PPIL2: variants seen among roughly 807,000 people sequenced by gnomAD.
PPIL2 encodes RING-type E3 ubiquitin-protein ligase PPIL2.
Under a neutral mutation model 75.2 loss-of-function variants are expected in PPIL2, and 50 were observed. The ratio of observed to expected loss-of-function variants is 0.66; its 90% CI spans 0.53 to 0.84. PPIL2 has a LOEUF of 0.84. PPIL2 is among the 40% of genes least tolerant of loss of function. The pLI is 0.00. For missense variants in PPIL2, 590 were observed against 685.0 expected (o/e 0.86, Z 1.55); for synonymous variants, 245 against 258.8 (o/e 0.95, Z 0.51).
chr22:21,672,889 C>T lies in PPIL2; in HGVS notation c.243+508C>T, dbSNP rs368704112. ...TCCGGTGGGCTCCCTGTGCTGGAGC[C>T]GCTGGGAGGGAGCTCCCTGGACAAT... On this transcript the variant is annotated intron_variant, in intron 5 of 19. Coordinates refer to ENST00000398831, the MANE Select transcript of PPIL2 (RefSeq NM_014337.4). Among the ~76,000 whole-genome samples the T allele has an allele frequency of 3.3e-5, 5 of 152,312 alleles. No homozygotes were observed. The East Asian group carries it at 5.8e-4, about 18-fold the overall frequency.
Position 21,688,710 on chromosome 22 carries a change from C to T in PPIL2, c.1022-22C>T, listed in dbSNP as rs73877665. On this transcript the variant is annotated intron_variant, in intron 14 of 19. Coordinates refer to ENST00000398831, the MANE Select transcript of PPIL2 (RefSeq NM_014337.4). ...CGGCTGGGGCCCAGGCTTTCCTGCT[C>T]CCATGGGCCTTTCTCTTCCAGGTGG... 1.5e-3 allele frequency: 2,405 copies of T among 1,608,286 alleles called. 34 individuals carry two copies. In the African/African-American group the frequency reaches 0.029, roughly 19 times the overall value.
intron 6 of PPIL2, among the ~76,000 whole-genome samples, chr22:21,677,865 C>T (rs1291352658): frequency 6.6e-6 from 1 of 152,136 alleles, no homozygotes; most frequent in Non-Finnish European, 1.5e-5. Flanking sequence ...GTGTGTAGAG[C>T]ACAGCAGGGG....
chr22:21,678,702 C>T (rs2599423), intron 6 of PPIL2, among the ~76,000 whole-genome samples: 96,832 of 151,944 alleles, frequency 0.64, 31,404 homozygotes, highest in African/African-American at 0.74. Flanking sequence ...ATTTAAAAAA[C>T]AGTTTTCACA....
In PPIL2 at chr22:21,684,454, C is replaced by CAAAAAAAAAA. The variant is rs1028354500; in HGVS notation, c.554-287_554-278dup. 5.8e-3 allele frequency among the ~76,000 whole-genome samples: 269 copies of CAAAAAAAAAA among 46,004 alleles called. 1 individual carries two copies. The highest frequency in any genetic ancestry group is 6.8e-3 in the East Asian group (10 of 1,476). The allele number at this position is 46,004 out of a possible 152,430, so 30.2% of individuals were successfully genotyped here. Reference sequence around the variant, plus strand: ...ACGATAGAGCGAGACTCCATCTCCACAAAAAAAAAAAAAAAAAAAAAGAAA... The same window carrying CAAAAAAAAAA: ...ACGATAGAGCGAGACTCCATCTCCACAAAAAAAAAAAAAAAAAAAAAAAAAAAAAAAGAAA... On this transcript the variant is annotated intron_variant, in intron 9 of 19. Transcript: ENST00000398831.
chr22:21,683,330 G>A, intron 9 of PPIL2, 73 bp downstream of exon 9: 1 of 1,358,162 alleles, frequency 7.4e-7, no homozygotes. Context: ...CCTGGGTAAA[G>A]CCCCCGCTTT....
At chr22:21,679,779 AT>A (rs547385505) in intron 6 of PPIL2, among the ~76,000 whole-genome samples, 245 of 151,524 alleles carry the variant, frequency 1.6e-3, no homozygotes, top group South Asian at 3.6e-3. Context: ...TCAAATCAGG[AT>A]TTTTTTTAAG....
intron 15 of PPIL2, among the ~76,000 whole-genome samples, chr22:21,692,752 C>T (rs566293452): frequency 6.6e-5 from 10 of 151,366 alleles, no homozygotes; most frequent in Non-Finnish European, 1.0e-4. Context: ...AGTGAAACCC[C>T]GTCTCTACTA....
Position 21,692,358 on chromosome 22 carries a change from G to T in PPIL2, c.1140-1458G>T, listed in dbSNP as rs541053521. 8.1e-4 allele frequency among the ~76,000 whole-genome samples: 122 copies of T among 151,426 alleles called. 1 individual carries two copies. The highest frequency in any genetic ancestry group is 7.5e-3 in the East Asian group (37 of 4,936). On this transcript the variant is annotated intron_variant, in intron 15 of 19. Coordinates refer to ENST00000398831, the MANE Select transcript of PPIL2 (RefSeq NM_014337.4). ...TTTAGTAGAGATGGGGTTTCACCGT[G>T]TTAGCGAGGATGGTCTCGATCTCCT...
chr22:21,681,253 C>G lies in PPIL2; in HGVS notation c.296-46C>G, dbSNP rs781749701. The stretch of plus-strand genomic sequence containing the variant: ...TCTGCGGTCCTCACTGGGATGTTCA[C>G]AGCCCACAGAGGTGACTGGCCTCCC... On this transcript the variant is annotated intron_variant, in intron 6 of 19. Transcript: ENST00000398831. The G allele has an allele frequency of 4.0e-6, 6 of 1,494,566 alleles. No individual in the cohort carries two copies. The East Asian group carries it at 1.4e-4, about 34-fold the overall frequency. 92.6% of individuals were successfully genotyped at this position (1,494,566 alleles called of 1,614,324 possible).
chr22:21,669,390 C>T (rs138770353), intron 1 of PPIL2: 1 of 452,146 alleles, frequency 2.2e-6, no homozygotes, highest in East Asian at 7.0e-5. Context: ...CTCAAGCAAT[C>T]TTCCTGCCTT....
intron 16 of PPIL2, 46 bp downstream of exon 16, chr22:21,693,918 T>C (rs1601602653): frequency 6.6e-7 from 1 of 1,519,570 alleles, no homozygotes; most frequent in Non-Finnish European, 9.1e-7. Flanking sequence ...GTGGGCTAGG[T>C]GGGTTCCTTC....
intron 6 of PPIL2, among the ~76,000 whole-genome samples, chr22:21,678,513 G>A (rs566606485): frequency 6.6e-6 from 1 of 152,238 alleles, no homozygotes; most frequent in South Asian, 2.1e-4. Flanking sequence ...TTACAGGCGT[G>A]AGCCACTGCG....
chr22:21,695,613 C>T lies in PPIL2; in HGVS notation c.*123C>T, dbSNP rs1196910675. ...AGCCAATAAATTGCTTGCCTGCTGC[C>T]TGCATCCCCTTTCCTGGCCCCTGGG... On this transcript the variant is annotated 3_prime_UTR_variant, in exon 20 of 20. Coordinates refer to ENST00000398831, the MANE Select transcript of PPIL2 (RefSeq NM_014337.4). 1 of 1,498,774 alleles carries T rather than the reference C, an allele frequency of 6.7e-7. No individual in the cohort carries two copies. The highest frequency in any genetic ancestry group is 8.9e-7 in the Non-Finnish European group (1 of 1,120,772). The allele number at this position is 1,498,774 out of a possible 1,614,324, so 92.8% of individuals were successfully genotyped here.
At chr22:21,680,090 CAAA>C (rs558080959) in intron 6 of PPIL2, among the ~76,000 whole-genome samples, 9 of 122,954 alleles carry the variant, frequency 7.3e-5, no homozygotes, top group Non-Finnish European at 7.0e-5. Context: ...GACTCTGTCT[CAAA>C]AAAAAAAAAA....
rs774198227 is a variant in PPIL2 at position 21,695,953 on chromosome 22, C to G, written c.*463C>G. 11 of 663,994 alleles carry G rather than the reference C, an allele frequency of 1.7e-5. No individual in the cohort carries two copies. Among genetic ancestry groups the G allele is most frequent in the Non-Finnish European group, 2.1e-5 (11 of 521,546 alleles). 41.1% of individuals were successfully genotyped at this position (663,994 alleles called of 1,614,324 possible). A position where few individuals can be genotyped will look rare whatever the true frequency, so the allele number is the denominator to read the frequency against. ...CCTCCTGCCTCAGCCTCGCAAGTAG[C>G]TGGGACTACAGCCGTGCACCACTAC... On this transcript the variant is annotated 3_prime_UTR_variant, in exon 20 of 20. Transcript: ENST00000398831.
intron 15 of PPIL2, 60 bp downstream of exon 15, chr22:21,688,909 C>A: frequency 6.8e-7 from 1 of 1,475,402 alleles, no homozygotes; most frequent in Non-Finnish European, 9.5e-7. Context: ...TCTGCGGGTT[C>A]TTCCTCTTGG....
chr22:21,676,340 T>TGTGTGTG (rs1555894901), intron 6 of PPIL2, among the ~76,000 whole-genome samples: 1 of 150,888 alleles, frequency 6.6e-6, no homozygotes, highest in Non-Finnish European at 1.5e-5. Context: ...TGTGTGTGTG[T>TGTGTGTG]TATTGTTTAT....
Position 21,666,097 on chromosome 22 carries a change from G to C in PPIL2, c.-3G>C. ...GCTCGCTAGTCGCCGCCGCCGCTCC[G>C]CCATGGGGAAGCGACAGCACCAAAA... On this transcript the variant is annotated 5_prime_UTR_variant, in exon 1 of 20. Transcript: ENST00000398831. 6.2e-7 allele frequency: 1 copy of C among 1,613,470 alleles called. No individual in the cohort carries two copies. Among genetic ancestry groups the C allele is most frequent in the Non-Finnish European group, 8.5e-7 (1 of 1,179,728 alleles).
intron 6 of PPIL2, 142 bp from the exon 7 acceptor site, chr22:21,681,157 T>A (rs2067113231): frequency 1.0e-5 from 7 of 676,268 alleles, no homozygotes; most frequent in Non-Finnish European, 1.8e-5. Flanking sequence ...CATGGTTCCC[T>A]GCTCTGGCAG....
Sources: allele counts gnomAD v4.1 joint callset (sites outside exome capture counted in the v4.1 genomes callset), GRCh38; gene constraint gnomAD v4.1.1; transcripts MANE v1.5; gene names NCBI Gene and HGNC (gene_info 2026-07-23, HGNC 2026-07-21).